SLC5A7: variants seen among roughly 807,000 people sequenced by gnomAD.
The protein encoded by SLC5A7 is solute carrier family 5 member 7.
SLC5A7 carries 19 observed loss-of-function variants against 55.4 expected under a neutral mutation model. The observed-to-expected ratio is 0.34, with a 90% confidence interval of 0.24 to 0.50. The LOEUF is 0.50. Among genes scored for constraint, SLC5A7 ranks in the 20% least tolerant of loss-of-function variants. The probability of loss-of-function intolerance (pLI) is 0.98; values close to 1 mark genes in which losing one functional copy is unlikely to be tolerated. For missense variants in SLC5A7, 506 were observed against 705.3 expected (o/e 0.72, Z 3.20); for synonymous variants, 265 against 263.7 (o/e 1.00, Z -0.05).
intron 6 of SLC5A7, among the ~76,000 whole-genome samples, chr2:108,005,556 T>C (rs2104372128): frequency 6.6e-6 from 1 of 152,344 alleles, no homozygotes; most frequent in South Asian, 2.1e-4. Context: ...GATGATACAT[T>C]GTCTTAGTTC....
At chr2:108,001,688 A>AG (rs1225610648) in intron 5 of SLC5A7, among the ~76,000 whole-genome samples, 6 of 149,990 alleles carry the variant, frequency 4.0e-5, no homozygotes, top group Non-Finnish European at 7.4e-5. Context: ...AAAAAAAAAA[A>AG]AGAAAAGAAA....
chr2:108,012,721 T>C lies in SLC5A7; in HGVS notation c.*1860T>C, dbSNP rs1678382035. 1 of 152,102 alleles carries C rather than the reference T, an allele frequency of 6.6e-6. No individual in the cohort carries two copies. Among genetic ancestry groups the C allele is most frequent in the Admixed American group, 6.6e-5 (1 of 15,264 alleles). 9.4% of individuals were successfully genotyped at this position (152,102 alleles called of 1,614,324 possible). On this transcript the variant is annotated 3_prime_UTR_variant, in exon 9 of 9. Transcript: ENST00000264047. The stretch of plus-strand genomic sequence containing the variant: ...TCTATTCAGTACCCTATGGAGTACA[T>C]GGAAGAAGTATATTTTTGGAACCAG...
chr2:107,999,698 T>C (rs754779998), intron 5 of SLC5A7, among the ~76,000 whole-genome samples: 35 of 152,184 alleles, frequency 2.3e-4, no homozygotes, highest in Non-Finnish European at 4.1e-4. Flanking sequence ...AATTCTCTAA[T>C]GTCATTGATT....
At chr2:108,006,898 GT>G (rs1678145151) in intron 7 of SLC5A7, among the ~76,000 whole-genome samples, 1 of 152,050 alleles carries the variant, frequency 6.6e-6, no homozygotes, top group African/African-American at 2.4e-5. Flanking sequence ...TTAATTAGGG[GT>G]TTTCTTTCTT....
chr2:107,988,995 C>T (rs1412708734), intron 2 of SLC5A7, among the ~76,000 whole-genome samples: 1 of 152,186 alleles, frequency 6.6e-6, no homozygotes, highest in Non-Finnish European at 1.5e-5. Flanking sequence ...CCCCAGGCCA[C>T]CATCTGCAGT....
chr2:108,009,375 A>G (rs746876440), intron 8 of SLC5A7, among the ~76,000 whole-genome samples: 4 of 152,058 alleles, frequency 2.6e-5, no homozygotes, highest in Non-Finnish European at 5.9e-5. Flanking sequence ...ACTTGTGCAG[A>G]ACGTGCAGGT....
chr2:108,008,206 C>A (rs1233531574), intron 7 of SLC5A7, among the ~76,000 whole-genome samples: 1 of 152,114 alleles, frequency 6.6e-6, no homozygotes, highest in Admixed American at 6.5e-5. Flanking sequence ...AATGTAACAC[C>A]ATCATTGCAG....
In SLC5A7 at chr2:108,010,543, G is replaced by T. The variant is rs1678282943; in HGVS notation, c.1425G>T (p.Gln475His). The T allele has an allele frequency of 6.2e-7, 1 of 1,613,706 alleles. No homozygotes were observed. The highest frequency in any genetic ancestry group is 8.5e-7 in the Non-Finnish European group (1 of 1,179,858). The change falls in exon 9 of 9, where the codon CAG (glutamine) becomes CAT (histidine). Residue 475 changes from glutamine to histidine, a missense_variant. Physicochemically the swap from Gln to His is conservative, Grantham distance 24. Around this residue, in one of 4 missense-constraint regions of SLC5A7, gnomAD observed 137 missense variants for 143.6 expected, o/e 0.95. Transcript: ENST00000264047. ...CTGATGATAATGGTATATATAATCA[G>T]AAATTTCCATTTAAAACACTTGCCA... is the stretch of plus-strand genomic sequence containing the variant. ...YYPDDNGIYN[Q>H]KFPFKTLAMV...
intron 6 of SLC5A7, 145 bp downstream of exon 6, chr2:108,002,185 A>T (rs1677937905): frequency 9.2e-6 from 9 of 979,346 alleles, no homozygotes; most frequent in Non-Finnish European, 1.3e-5. Flanking sequence ...GGGAGGGTGG[A>T]GCCAGGGCCG....
intron 4 of SLC5A7, 63 bp downstream of exon 4, chr2:107,993,190 C>T: frequency 6.3e-7 from 1 of 1,575,218 alleles, no homozygotes; most frequent in South Asian, 1.1e-5. Context: ...GATACACAAC[C>T]TTACTTTCCT....
intron 4 of SLC5A7, 61 bp downstream of exon 4, chr2:107,993,188 A>G (rs1308715884): frequency 6.3e-7 from 1 of 1,581,380 alleles, no homozygotes; most frequent in Non-Finnish European, 8.6e-7. Flanking sequence ...CAGATACACA[A>G]CCTTACTTTC....
chr2:108,000,697 C>T (rs1421996477), intron 5 of SLC5A7, among the ~76,000 whole-genome samples: 1 of 152,012 alleles, frequency 6.6e-6, no homozygotes, highest in Admixed American at 6.6e-5. Flanking sequence ...CAGGTTTAAG[C>T]AATCCTCCCA....
intron 4 of SLC5A7, among the ~76,000 whole-genome samples, chr2:107,997,234 TTC>T (rs1249179701): frequency 6.6e-6 from 1 of 152,232 alleles, no homozygotes; most frequent in African/African-American, 2.4e-5. Flanking sequence ...TACTGTTACT[TTC>T]TCTGTTTAGA....
In SLC5A7 at chr2:108,013,768, T is replaced by A. The variant is rs1188445657; in HGVS notation, c.*2907T>A. The stretch of plus-strand genomic sequence containing the variant: ...CATATTTCTTGAGTAATTTAAATGC[T>A]TTGTTTTCCCACACATATTCAAATC... On this transcript the variant is annotated 3_prime_UTR_variant, in exon 9 of 9. Transcript: ENST00000264047. The A allele has an allele frequency of 6.6e-6, 1 of 152,150 alleles. No individual in the cohort carries two copies. Among genetic ancestry groups the A allele is most frequent in the Non-Finnish European group, 1.5e-5 (1 of 68,006 alleles). 9.4% of individuals were successfully genotyped at this position (152,150 alleles called of 1,614,324 possible). A position where few individuals can be genotyped will look rare whatever the true frequency, so the allele number is the denominator to read the frequency against.
chr2:108,008,324 C>A, intron 7 of SLC5A7, 141 bp from the exon 8 acceptor site: 1 of 631,356 alleles, frequency 1.6e-6, no homozygotes, highest in Non-Finnish European at 2.8e-6. Context: ...TTCCACTTGA[C>A]CAGCACATGG....
intron 1 of SLC5A7, among the ~76,000 whole-genome samples, 196 bp downstream of exon 1, chr2:107,986,959 A>G (rs1244404822): frequency 1.3e-5 from 2 of 151,896 alleles, no homozygotes; most frequent in Non-Finnish European, 2.9e-5. Flanking sequence ...GGAAATGGGT[A>G]GAGGGGGCCG....
intron 4 of SLC5A7, among the ~76,000 whole-genome samples, chr2:107,996,583 C>T (rs760019077): frequency 1.1e-4 from 16 of 152,056 alleles, no homozygotes; most frequent in Non-Finnish European, 1.6e-4. Flanking sequence ...TACATGTATG[C>T]ATTTAATAAT....
chr2:108,010,784 A>C lies in SLC5A7; in HGVS notation c.1666A>C (p.Thr556Pro), dbSNP rs1678298662. Residue 556 changes from threonine (T) to proline (P), a missense_variant, in exon 9 of 9, where the codon ACT becomes CCT. Thr to Pro is a conservative substitution (Grantham distance 38, BLOSUM62 -1). This residue lies in a region of SLC5A7 where 137 missense variants were observed against 143.6 expected (regional missense o/e 0.95). Transcript: ENST00000264047. ...ACGACAGAGCATGACCCTCAGCTCAACTTTCACCAATAAAGAGGCCTTCCT... is the reference window on the plus strand; with the variant it reads ...ACGACAGAGCATGACCCTCAGCTCACCTTTCACCAATAAAGAGGCCTTCCT... ...KPRQSMTLSS[T>P]FTNKEAFLDV... 8 of 1,613,444 alleles carry C rather than the reference A, an allele frequency of 5.0e-6. No homozygotes were observed. The highest frequency in any genetic ancestry group is 6.8e-6 in the Non-Finnish European group (8 of 1,179,812).
chr2:108,004,316 A>T (rs543731919), intron 6 of SLC5A7, among the ~76,000 whole-genome samples: 1 of 152,318 alleles, frequency 6.6e-6, no homozygotes, highest in East Asian at 1.9e-4. Context: ...AATGAAAGGA[A>T]AAGGTTTTGG....
Sources: gnomAD v4.1 joint callset for allele counts (sites outside exome capture counted in the v4.1 genomes callset) on GRCh38, gnomAD v4.1.1 for gene constraint, gnomAD v4.1.1 regional missense constraint, MANE v1.5 for transcripts, NCBI Gene and HGNC (gene_info 2026-07-23, HGNC 2026-07-21) for gene names.